The following HAO2 variants were observed in gnomAD, a reference collection of about 807,000 sequenced individuals.
The protein encoded by HAO2 is 2-Hydroxyacid oxidase 2.
Under a neutral mutation model 37.4 loss-of-function variants are expected in HAO2, and 42 were observed. That is an observed-to-expected ratio of 1.12 (90% CI 0.88 to 1.45). The LOEUF is 1.45. Ranked by LOEUF, HAO2 falls within the 40% of genes most tolerant of loss-of-function variation. HAO2 has a pLI of 0.00. For missense variants in HAO2, 476 were observed against 430.2 expected, an observed-to-expected ratio of 1.11 and a Z score of -0.94; for synonymous variants, 180 against 162.8, an observed-to-expected ratio of 1.11 and a Z score of -0.81.
intron 2 of HAO2, among the ~76,000 whole-genome samples, chr1:119,381,814 G>T (rs1039870512): frequency 1.3e-5 from 2 of 152,170 alleles, no homozygotes; most frequent in Non-Finnish European, 2.9e-5. Context: ...GGAGTCAAAA[G>T]AAGAATAATT....
At chr1:119,391,059 T>C (rs1650848444) in intron 5 of HAO2, among the ~76,000 whole-genome samples, 1 of 152,218 alleles carries the variant, frequency 6.6e-6, no homozygotes, top group Non-Finnish European at 1.5e-5. Flanking sequence ...TCTCTAGTTA[T>C]TACATGTAAG....
At chr1:119,392,400 T>C in intron 6 of HAO2, 132 bp downstream of exon 6, 1 of 785,572 alleles carries the variant, frequency 1.3e-6, no homozygotes, top group South Asian at 1.7e-5. Flanking sequence ...CTAAGCTGCA[T>C]CTCCATGCTT....
intron 4 of HAO2, 196 bp downstream of exon 4, chr1:119,385,249 A>T (rs983722344): frequency 1.7e-5 from 17 of 984,992 alleles, no homozygotes; most frequent in Non-Finnish European, 3.6e-6. Flanking sequence ...CACAATCAAC[A>T]TAAGACCAAA....
intron 3 of HAO2, among the ~76,000 whole-genome samples, chr1:119,383,633 TCCA>T (rs200619344): frequency 5.9e-5 from 9 of 151,636 alleles, no homozygotes; most frequent in East Asian, 3.9e-4. Context: ...TCCCACATTC[TCCA>T]CCACCACCAC....
intron 3 of HAO2, 86 bp downstream of exon 3, chr1:119,383,152 A>G (rs1650097025): frequency 3.2e-6 from 3 of 934,382 alleles, no homozygotes; most frequent in Non-Finnish European, 4.9e-6. Flanking sequence ...TCTCTCTAGA[A>G]GGGCCTTAGG....
rs145624876 is a variant in HAO2 at position 119,384,798 on chromosome 1, C to T, written c.306C>T (p.Cys102=). 9.9e-4 allele frequency: 1,602 copies of T among 1,613,856 alleles called. 2 individuals are homozygous for T. Among genetic ancestry groups the T allele is most frequent in the Non-Finnish European group, 9.1e-4 (1,074 of 1,179,818 alleles). The change falls in exon 4 of 8, where the codon TGC becomes TGT. Residue 102 remains cysteine, a synonymous_variant. Transcript: ENST00000325945. ...TARAAQAAGI[C]YITSTFASCS... ...CAGCTGCCCAAGCGGCTGGTATCTGCTACATCACCAGCACATTTGCCAGCT... is the reference window on the plus strand; with the variant it reads ...CAGCTGCCCAAGCGGCTGGTATCTGTTACATCACCAGCACATTTGCCAGCT...
intron 1 of HAO2, among the ~76,000 whole-genome samples, chr1:119,373,697 T>C (rs894619370): frequency 6.6e-6 from 1 of 152,126 alleles, no homozygotes; most frequent in Admixed American, 6.5e-5. Flanking sequence ...AGCAAAGATA[T>C]GAGTCACTCC....
At chr1:119,392,463 C>T (rs1557858695) in intron 6 of HAO2, 155 bp from the exon 7 acceptor site, 1 of 720,692 alleles carries the variant, frequency 1.4e-6, no homozygotes, top group African/African-American at 1.8e-5. Flanking sequence ...ATCTTTGTCT[C>T]TGTGCTTTCC....
chr1:119,392,284 C>G lies in HAO2; in HGVS notation c.930+16C>G, dbSNP rs199729266. On this transcript the variant is annotated intron_variant, in intron 6 of 7. Transcript: ENST00000325945. The stretch of plus-strand genomic sequence containing the variant: ...TGCCTGCAAGGTGAGAGTGGCAAAG[C>G]AAACCAGCAAGAAGATACAGAGCTT... 1 of 1,590,726 alleles carries G rather than the reference C, an allele frequency of 6.3e-7. No homozygotes were observed. The highest frequency in any genetic ancestry group is 8.6e-7 in the Non-Finnish European group (1 of 1,164,850).
chr1:119,390,371 C>T (rs981177538), intron 5 of HAO2, among the ~76,000 whole-genome samples: 1 of 152,138 alleles, frequency 6.6e-6, no homozygotes, highest in African/African-American at 2.4e-5. Flanking sequence ...CCTGCCTTAG[C>T]CTCCCAAGTA....
intron 7 of HAO2, among the ~76,000 whole-genome samples, chr1:119,393,218 C>T (rs1416135975): frequency 2.0e-5 from 3 of 152,130 alleles, no homozygotes; most frequent in Non-Finnish European, 4.4e-5. Flanking sequence ...AACTCCCCAG[C>T]CCCATAACAT....
At chr1:119,385,452 G>C in intron 4 of HAO2, 1 of 795,266 alleles carries the variant, frequency 1.3e-6, no homozygotes, top group Non-Finnish European at 1.5e-6. Flanking sequence ...TAGACAAACT[G>C]ACTCTCCAAA....
At chr1:119,380,163 G>A (rs1649801330) in intron 1 of HAO2, among the ~76,000 whole-genome samples, 1 of 152,124 alleles carries the variant, frequency 6.6e-6, no homozygotes, top group Admixed American at 6.6e-5. Flanking sequence ...TCTACATGCT[G>A]TAACTGAAAG....
chr1:119,378,081 AG>A (rs587681177), intron 1 of HAO2, among the ~76,000 whole-genome samples: 22 of 152,328 alleles, frequency 1.4e-4, no homozygotes, highest in Middle Eastern at 3.4e-3. Flanking sequence ...TTTTAAACCT[AG>A]AAAATTCTCT....
intron 3 of HAO2, 119 bp downstream of exon 3, chr1:119,383,185 G>A (rs1275478085): frequency 1.9e-5 from 12 of 628,520 alleles, no homozygotes; most frequent in Non-Finnish European, 3.3e-5. Flanking sequence ...TTAACACTAA[G>A]GAAGGCAGGA....
At chr1:119,370,057 G>A (rs1228411631) in intron 1 of HAO2, 1 of 152,090 alleles carries the variant, frequency 6.6e-6, no homozygotes, top group Non-Finnish European at 1.5e-5. Flanking sequence ...TGGCGTTTTG[G>A]GAATCCAAGT....
intron 1 of HAO2, among the ~76,000 whole-genome samples, chr1:119,371,435 G>C (rs1455220578): frequency 6.6e-6 from 1 of 152,176 alleles, no homozygotes; most frequent in Admixed American, 6.5e-5. Flanking sequence ...GAATAATTAA[G>C]ATTTTTTTTA....
chr1:119,392,559 G>T (rs1650997933), intron 6 of HAO2, 59 bp from the exon 7 acceptor site: 2 of 1,078,876 alleles, frequency 1.9e-6, no homozygotes, highest in African/African-American at 1.5e-5. Context: ...TATACTAGTG[G>T]ATGGTCAGAA....
intron 2 of HAO2, 56 bp downstream of exon 2, chr1:119,381,272 A>C: frequency 7.9e-7 from 1 of 1,267,094 alleles, no homozygotes; most frequent in Non-Finnish European, 1.2e-6. Context: ...GTGGAGAGCA[A>C]CTTGGACAGT....
Sources: gnomAD v4.1 joint callset for allele counts (sites outside exome capture counted in the v4.1 genomes callset) on GRCh38, gnomAD v4.1.1 for gene constraint, MANE v1.5 for transcripts, NCBI Gene and HGNC (gene_info 2026-07-23, HGNC 2026-07-21) for gene names.